Variants in SCGB1D4 observed in about 807,000 individuals in gnomAD.
SCGB1D4 encodes the protein secretoglobin family 1D member 4, also known as IFN-gamma inducible SCGB (IIS).
Under a neutral mutation model 8.1 loss-of-function variants are expected in SCGB1D4, and 6 were observed. The observed-to-expected ratio is 0.74, with a 90% CI of 0.40 to 1.45. The LOEUF (loss-of-function observed/expected upper bound fraction) is 1.45. SCGB1D4 is among the 40% of genes most tolerant of loss of function. The probability of loss-of-function intolerance (pLI) is 0.02; values close to 1 mark genes in which losing one functional copy is unlikely to be tolerated. For synonymous variants in SCGB1D4, 34 were observed against 38.1 expected, an observed-to-expected ratio of 0.89 and a Z score of 0.39; for missense variants, 93 against 95.0, an observed-to-expected ratio of 0.98 and a Z score of 0.09.
chr11:62,298,047 T>TGTGTGTGTGTG (rs1218181621), intron 1 of SCGB1D4, among the ~76,000 whole-genome samples: 2 of 103,352 alleles, frequency 1.9e-5, no homozygotes, highest in African/African-American at 7.9e-5. Context: ...TGTGTGTGTG[T>TGTGTGTGTGTG]TTTGTTTTGT....
In SCGB1D4 at chr11:62,297,458, GAGAA is replaced by G; in HGVS notation, c.242+10_242+13del. On this transcript the variant is annotated intron_variant, in intron 2 of 2. Coordinates refer to ENST00000358585, the MANE Select transcript of SCGB1D4 (RefSeq NM_206998.2). ...AGTTGAATTCTGCCTCTGCATAAAG[GAGAA>G]AGAAATTACCAGGACTTTTTCAATG... 6.2e-7 allele frequency: 1 copy of G among 1,600,688 alleles called. No homozygotes were observed.
chr11:62,298,006 G>A (rs573378805), intron 1 of SCGB1D4, among the ~76,000 whole-genome samples: 3 of 136,500 alleles, frequency 2.2e-5, no homozygotes, highest in East Asian at 2.2e-4. Flanking sequence ...CACCATGCCC[G>A]CTTTTGTGTG....
intron 1 of SCGB1D4, among the ~76,000 whole-genome samples, chr11:62,298,262 T>TTAAA (rs1415486716): frequency 1.3e-5 from 2 of 151,784 alleles, no homozygotes; most frequent in African/African-American, 4.8e-5. Flanking sequence ...TAACCACCAG[T>TTAAA]GATAAGAGGA....
intron 1 of SCGB1D4, among the ~76,000 whole-genome samples, chr11:62,298,355 A>G (rs1338066537): frequency 6.6e-6 from 1 of 152,146 alleles, no homozygotes; most frequent in Non-Finnish European, 1.5e-5. Context: ...CTCACATTAC[A>G]TCATCTGACA....
At chr11:62,298,757 A>G (rs1945465085) in intron 1 of SCGB1D4, among the ~76,000 whole-genome samples, 199 bp downstream of exon 1, 1 of 23,914 alleles carries the variant, frequency 4.2e-5, no homozygotes, top group African/African-American at 4.4e-4. Context: ...AAAACTTCTC[A>G]AAAAAAAAAA....
chr11:62,296,762 G>C (rs925265662), intron 2 of SCGB1D4, among the ~76,000 whole-genome samples: 1 of 152,190 alleles, frequency 6.6e-6, no homozygotes, highest in African/African-American at 2.4e-5. Flanking sequence ...CCCTGTAATG[G>C]GGGACCCAGG....
chr11:62,298,010 T>TTGTG (rs71458409), intron 1 of SCGB1D4, among the ~76,000 whole-genome samples: 3,214 of 116,142 alleles, frequency 0.028, 122 homozygotes, highest in East Asian at 0.13. Flanking sequence ...ATGCCCGCTT[T>TTGTG]TGTGTGTGTG....
chr11:62,296,471 CT>C, intron 2 of SCGB1D4, 52 bp from the exon 3 acceptor site: 2 of 1,586,930 alleles, frequency 1.3e-6, no homozygotes, highest in Non-Finnish European at 1.7e-6. Flanking sequence ...AGTCATGCTG[CT>C]GCTGGTGATG....
At position 62,297,532 on chromosome 11, in the gene SCGB1D4, T is replaced by C; in HGVS notation, c.182A>G (p.Glu61Gly). 5 of 1,614,144 alleles carry C rather than the reference T, an allele frequency of 3.1e-6. No homozygotes were observed. The highest frequency in any genetic ancestry group is 4.2e-6 in the Non-Finnish European group (5 of 1,179,994). ...TATCTGATCGGTGCAGTGCTTCACTTCCAACTTGGCTGCAAGAGCTTCTGG... is the reference window on the plus strand; with the variant it reads ...TATCTGATCGGTGCAGTGCTTCACTCCCAACTTGGCTGCAAGAGCTTCTGG... ...PPPEALAAKL[E>G]VKHCTDQISF... The change falls in exon 2 of 3, where the codon GAA (glutamate) becomes GGA (glycine). Residue 61 changes from glutamate to glycine, a missense_variant. By Grantham distance (98) the Glu-to-Gly change is moderately conservative. Coordinates refer to ENST00000358585, the MANE Select transcript of SCGB1D4 (RefSeq NM_206998.2).
rs1945441175 is a variant in SCGB1D4, at chr11:62,296,387, A to G, written c.*23T>C. On this transcript the variant is annotated 3_prime_UTR_variant, in exon 3 of 3. Transcript: ENST00000358585. ...TGGAAACCAGGTTGAGCATTTTTACATGTCACACACCACATTTTTTCACTA... is the reference window on the plus strand; with the variant it reads ...TGGAAACCAGGTTGAGCATTTTTACGTGTCACACACCACATTTTTTCACTA... 3.1e-6 allele frequency: 5 copies of G among 1,609,788 alleles called. No individual in the cohort carries two copies. The highest frequency in any genetic ancestry group is 1.7e-5 in the Admixed American group (1 of 59,920).
In SCGB1D4 at chr11:62,297,605, A is replaced by T; in HGVS notation, c.109T>A (p.Leu37Ile). The change falls in exon 2 of 3, where the codon TTA becomes ATA. Residue 37 changes from leucine to isoleucine, a missense_variant. Leu to Ile is a conservative substitution (Grantham distance 5, BLOSUM62 2). Transcript: ENST00000358585. ...VASEITVFLF[L>I]SDAAVNLQVA... ...TGGAGGTTTACCGCAGCGTCACTTA[A>T]GAATAAGAAGACTGTGATCTCAGAA... 1 of 1,614,140 alleles carries T rather than the reference A, an allele frequency of 6.2e-7. No individual in the cohort carries two copies. Among genetic ancestry groups the T allele is most frequent in the Non-Finnish European group, 8.5e-7 (1 of 1,180,020 alleles).
intron 2 of SCGB1D4, 82 bp from the exon 3 acceptor site, chr11:62,296,501 G>A (rs1043664759): frequency 1.4e-6 from 2 of 1,436,226 alleles, no homozygotes; most frequent in Non-Finnish European, 1.9e-6. Context: ...ACATCAAAGA[G>A]GCCAATGGGA....
At position 62,298,950 on chromosome 11, in the gene SCGB1D4, A is replaced by T. The variant is rs557178439; in HGVS notation, c.55+6T>A. 6.2e-7 allele frequency: 1 copy of T among 1,613,566 alleles called. No homozygotes were observed. Among genetic ancestry groups the T allele is most frequent in the East Asian group, 2.2e-5 (1 of 44,872 alleles). ...CTGGTGCTGGACTCATGACTGATGTACTCACCCTGGTAGCAGCAAAGGGCC... is the reference window on the plus strand; with the variant it reads ...CTGGTGCTGGACTCATGACTGATGTTCTCACCCTGGTAGCAGCAAAGGGCC... On this transcript the variant is annotated splice_donor_region_variant and intron_variant, in intron 1 of 2. Transcript: ENST00000358585.
chr11:62,296,452 G>T, intron 2 of SCGB1D4, 33 bp from the exon 3 acceptor site: 1 of 1,606,374 alleles, frequency 6.2e-7, no homozygotes. Flanking sequence ...AAGAAAGAAA[G>T]GTGAGGTCAG....
At position 62,298,924 on chromosome 11, in the gene SCGB1D4, G is replaced by A. The variant is rs763668655; in HGVS notation, c.55+32C>T. 8 of 1,608,476 alleles carry A rather than the reference G, an allele frequency of 5.0e-6. No homozygotes were observed. In the Admixed American group the frequency reaches 1.3e-4, roughly 27 times the overall value. Reference sequence around the variant, plus strand: ...GCTCAGAAGAGGGTGCATCCCAGGGGCTGGTGCTGGACTCATGACTGATGT... The same window carrying A: ...GCTCAGAAGAGGGTGCATCCCAGGGACTGGTGCTGGACTCATGACTGATGT... On this transcript the variant is annotated intron_variant, in intron 1 of 2. Coordinates refer to ENST00000358585, the MANE Select transcript of SCGB1D4 (RefSeq NM_206998.2).
rs778619087 is a variant in SCGB1D4 at position 62,297,493 on chromosome 11, C to T, written c.221G>A (p.Arg74Gln). 1.7e-5 allele frequency: 27 copies of T among 1,611,108 alleles called. No homozygotes were observed. In the Admixed American group the frequency reaches 2.5e-4, roughly 15 times the overall value. ...HCTDQISFKK[R>Q]LSLKKSWWK The stretch of plus-strand genomic sequence containing the variant: ...TTACCAGGACTTTTTCAATGAGAGT[C>T]GTTTCTTAAAAGATATCTGATCGGT... Residue 74 changes from arginine to glutamine, a missense_variant, in exon 2 of 3, where the codon CGA becomes CAA. Coordinates refer to ENST00000358585, the MANE Select transcript of SCGB1D4 (RefSeq NM_206998.2).
At position 62,296,365 on chromosome 11, in the gene SCGB1D4, A is replaced by G; in HGVS notation, c.*45T>C. On this transcript the variant is annotated 3_prime_UTR_variant, in exon 3 of 3. Transcript: ENST00000358585. Reference sequence around the variant, plus strand: ...TCAGGGTGTCGTTGAAAGACTTTGGAAACCAGGTTGAGCATTTTTACATGT... The same window carrying G: ...TCAGGGTGTCGTTGAAAGACTTTGGGAACCAGGTTGAGCATTTTTACATGT... 1 of 1,588,632 alleles carries G rather than the reference A, an allele frequency of 6.3e-7. No homozygotes were observed. Among genetic ancestry groups the G allele is most frequent in the Non-Finnish European group, 8.6e-7 (1 of 1,157,144 alleles).
At chr11:62,296,628 G>A (rs1393407517) in intron 2 of SCGB1D4, among the ~76,000 whole-genome samples, 6 of 152,176 alleles carry the variant, frequency 3.9e-5, no homozygotes, top group African/African-American at 1.4e-4. Context: ...TTCCCCACCA[G>A]ACCAATAGAC....
intron 2 of SCGB1D4, 111 bp downstream of exon 2, chr11:62,297,361 C>CA (rs891795295): frequency 3.4e-6 from 3 of 890,752 alleles, no homozygotes; most frequent in Non-Finnish European, 5.3e-6. Context: ...CCCATGTCCT[C>CA]AGCACACTCT....
Sources: allele counts gnomAD v4.1 joint callset (sites outside exome capture counted in the v4.1 genomes callset), GRCh38; gene constraint gnomAD v4.1.1; transcripts MANE v1.5; gene names NCBI Gene and HGNC (gene_info 2026-07-23, HGNC 2026-07-21).